Variants in FOCAD observed in about 807,000 individuals in gnomAD.
The protein encoded by FOCAD is focadhesin, also known as KIAA1797.
In FOCAD, 198 loss-of-function variants were observed where a neutral mutation model predicts 225.6. The observed-to-expected ratio is 0.88, with a 90% CI of 0.78 to 0.99. The LOEUF (loss-of-function observed/expected upper bound fraction) is 0.99. FOCAD is among the 50% of genes least tolerant of loss of function. The pLI is 0.00. For missense variants in FOCAD, 2,713 were observed against 2,123.6 expected (o/e 1.28, Z -5.46); for synonymous variants, 897 against 755.0 (o/e 1.19, Z -3.08).
At chr9:20,776,440 A>T (rs573849728) in intron 8 of FOCAD, among the ~76,000 whole-genome samples, 1 of 152,346 alleles carries the variant, frequency 6.6e-6, no homozygotes, top group African/African-American at 2.4e-5. Flanking sequence ...AAATGGTACT[A>T]TCCTTTGGTG....
chr9:20,985,826 T>G lies in FOCAD; in HGVS notation c.4729-462T>G, dbSNP rs373888382. 6.4e-4 allele frequency among the ~76,000 whole-genome samples: 97 copies of G among 152,312 alleles called. 3 individuals are homozygous for G. In the South Asian group the frequency reaches 0.019, roughly 31 times the overall value. On this transcript the variant is annotated intron_variant, in intron 39 of 43. Transcript: ENST00000338382. ...AAAAAAAATAAACGTCAGTACAATA[T>G]ACAATGAATACTAGTACACTTTGGT...
intron 28 of FOCAD, among the ~76,000 whole-genome samples, chr9:20,943,888 A>G (rs891747045): frequency 5.3e-5 from 8 of 152,194 alleles, no homozygotes; most frequent in Non-Finnish European, 1.2e-4. Flanking sequence ...AAGTTTTCTG[A>G]GAGAACAATT....
At chr9:20,903,095 G>A (rs901304496) in intron 21 of FOCAD, among the ~76,000 whole-genome samples, 1 of 151,870 alleles carries the variant, frequency 6.6e-6, no homozygotes, top group Non-Finnish European at 1.5e-5. Flanking sequence ...AGATGAGAAG[G>A]TTCTACCACC....
intron 2 of FOCAD, among the ~76,000 whole-genome samples, chr9:20,673,745 C>T (rs527443767): frequency 3.4e-4 from 51 of 152,202 alleles, no homozygotes; most frequent in African/African-American, 1.2e-3. Context: ...TGGGACTACA[C>T]GTGCGTGCCA....
chr9:20,951,271 G>T (rs954390119), intron 34 of FOCAD, among the ~76,000 whole-genome samples, 173 bp downstream of exon 34: 1 of 152,136 alleles, frequency 6.6e-6, no homozygotes, highest in Non-Finnish European at 1.5e-5. Flanking sequence ...CTTACCCAGG[G>T]TCATGTGACA....
chr9:20,799,586 C>CTT (rs1351951680), intron 11 of FOCAD, among the ~76,000 whole-genome samples: 1 of 152,128 alleles, frequency 6.6e-6, no homozygotes, highest in Non-Finnish European at 1.5e-5. Context: ...GAATTGATCC[C>CTT]TTTACCATTA....
chr9:20,918,239 C>CAAT (rs1481020652), intron 24 of FOCAD, among the ~76,000 whole-genome samples: 3 of 152,340 alleles, frequency 2.0e-5, no homozygotes, highest in Admixed American at 6.5e-5. Flanking sequence ...AAGAAACTAC[C>CAAT]AACTTTCTCC....
intron 2 of FOCAD, among the ~76,000 whole-genome samples, chr9:20,671,455 T>A (rs1275118232): frequency 3.9e-5 from 6 of 151,968 alleles, no homozygotes; most frequent in Admixed American, 1.3e-4. Flanking sequence ...TTTCTCTAAG[T>A]GGAATGCAGG....
intron 22 of FOCAD, among the ~76,000 whole-genome samples, chr9:20,909,030 G>T (rs893674529): frequency 6.6e-6 from 1 of 151,992 alleles, no homozygotes; most frequent in Non-Finnish European, 1.5e-5. Flanking sequence ...AAGGGATGAA[G>T]AGCTCCTCCT....
At chr9:20,782,392 C>T (rs1328525831) in intron 10 of FOCAD, among the ~76,000 whole-genome samples, 1 of 152,100 alleles carries the variant, frequency 6.6e-6, no homozygotes, top group African/African-American at 2.4e-5. Context: ...TGCCGTGTTC[C>T]CTGGCATAAT....
At chr9:20,898,002 G>A (rs776982893) in intron 21 of FOCAD, among the ~76,000 whole-genome samples, 1 of 151,684 alleles carries the variant, frequency 6.6e-6, no homozygotes, top group African/African-American at 2.4e-5. Context: ...GGATCATTTT[G>A]TGGGGTACAG....
intron 15 of FOCAD, among the ~76,000 whole-genome samples, chr9:20,845,124 T>C (rs1348849021): frequency 2.0e-5 from 3 of 152,084 alleles, no homozygotes; most frequent in African/African-American, 7.2e-5. Flanking sequence ...ATGTCTAATT[T>C]CACAATCCCT....
chr9:20,789,898 A>G (rs539642077), intron 11 of FOCAD, among the ~76,000 whole-genome samples: 1 of 152,230 alleles, frequency 6.6e-6, no homozygotes, highest in East Asian at 1.9e-4. Context: ...CTATTTTGTA[A>G]TGCTTTTGCT....
At chr9:20,957,884 T>C (rs1399491589) in intron 35 of FOCAD, among the ~76,000 whole-genome samples, 1 of 151,926 alleles carries the variant, frequency 6.6e-6, no homozygotes, top group Non-Finnish European at 1.5e-5. Flanking sequence ...CTCAGTAATG[T>C]AGTGAGCAGG....
At chr9:20,956,613 A>G (rs142618991) in intron 35 of FOCAD, among the ~76,000 whole-genome samples, 1 of 152,318 alleles carries the variant, frequency 6.6e-6, no homozygotes, top group Non-Finnish European at 1.5e-5. Flanking sequence ...GTCTTCCAAA[A>G]AAAGCCTTGA....
intron 11 of FOCAD, among the ~76,000 whole-genome samples, chr9:20,816,138 A>G (rs915544713): frequency 6.6e-6 from 1 of 152,118 alleles, no homozygotes; most frequent in African/African-American, 2.4e-5. Flanking sequence ...CTCATAAAGG[A>G]ACTGTGTACT....
rs1008047214 is a variant in FOCAD at position 20,927,481 on chromosome 9, T to G, written c.3078+1064T>G. The stretch of plus-strand genomic sequence containing the variant: ...ATAATATACTTTATGTAAAAAGTTT[T>G]GAAAACTGTTAAATACTCTATAAAT... On this transcript the variant is annotated intron_variant, in intron 26 of 43. Coordinates refer to ENST00000338382, the MANE Select transcript of FOCAD (RefSeq NM_001375567.1). Among the ~76,000 whole-genome samples, 7 of 152,076 alleles carry G rather than the reference T, an allele frequency of 4.6e-5. No individual in the cohort carries two copies. The East Asian group carries it at 1.3e-3, about 29-fold the overall frequency.
intron 2 of FOCAD, among the ~76,000 whole-genome samples, chr9:20,660,590 A>G (rs1821686338): frequency 6.6e-6 from 1 of 152,234 alleles, no homozygotes; most frequent in Non-Finnish European, 1.5e-5. Context: ...ATCAGCAGAA[A>G]AAGAAGATCC....
upstream of FOCAD, among the ~76,000 whole-genome samples, chr9:20,683,020 C>T (rs1000246416): frequency 6.6e-6 from 1 of 152,136 alleles, no homozygotes; most frequent in Non-Finnish European, 1.5e-5. Flanking sequence ...CCTCCTCGGC[C>T]TCCCAAAGTG....
Sources: gnomAD v4.1 joint callset for allele counts (sites outside exome capture counted in the v4.1 genomes callset) on GRCh38, gnomAD v4.1.1 for gene constraint, MANE v1.5 for transcripts, NCBI Gene and HGNC (gene_info 2026-07-23, HGNC 2026-07-21) for gene names.